The following TSPAN7 variants were observed in gnomAD, a reference collection of about 807,000 sequenced individuals.
TSPAN7 encodes tetraspanin 7, also known as tetraspanin-7.
TSPAN7 carries 1 observed loss-of-function variant against 17.6 expected under a neutral mutation model. The observed-to-expected ratio is 0.06, with a 90% confidence interval of 0.02 to 0.27. TSPAN7 has a LOEUF of 0.27. Ranked by LOEUF, TSPAN7 falls within the 10% of genes least tolerant of loss-of-function variation. The pLI, the probability that TSPAN7 is intolerant of heterozygous loss-of-function variation, is 1.00. For synonymous variants in TSPAN7, 78 were observed against 79.0 expected (o/e 0.99, Z 0.07); for missense variants, 112 against 201.7 (o/e 0.56, Z 2.69).
rs1424754978 is a variant in TSPAN7 at position 38,674,273 on chromosome X, G to A, written c.398G>A (p.Gly133Asp). ...ACGGACGCTATGCAGACTTACAATG[G>A]CAATGATGAGAGGAGCCGGGCAGTG... ...TYTDAMQTYN[G>D]NDERSRAVDH... The change falls in exon 4 of 8, where the codon GGC becomes GAC. Residue 133 changes from glycine (G) to aspartate (D), a missense_variant. Physicochemically the swap from Gly to Asp is moderately conservative, Grantham distance 94. Transcript: ENST00000378482. The A allele has an allele frequency of 8.3e-7, 1 of 1,200,553 alleles. No individual in the cohort carries two copies. The highest frequency in any genetic ancestry group is 1.7e-5 in the African/African-American group (1 of 57,640).
At chrX:38,686,015 T>C (rs1247740940) in intron 6 of TSPAN7, among the ~76,000 whole-genome samples, 2 of 112,192 alleles carry the variant, frequency 1.8e-5, no homozygotes, top group African/African-American at 6.5e-5. Context: ...GAAGTTCTAA[T>C]AAAAAAGACA....
At chrX:38,564,197 G>T (rs2069129966) in intron 1 of TSPAN7, among the ~76,000 whole-genome samples, 1 of 109,363 alleles carries the variant, frequency 9.1e-6, no homozygotes, top group African/African-American at 3.3e-5. Flanking sequence ...TGTCTCTAGA[G>T]ATTTCCATAT....
At position 38,672,345 on chromosome X, in the gene TSPAN7, A is replaced by G. The variant is rs141428949; in HGVS notation, c.345+895A>G. 5.5e-3 allele frequency among the ~76,000 whole-genome samples: 599 copies of G among 109,617 alleles called. 6 individuals are homozygous for G. The highest frequency in any genetic ancestry group is 8.5e-3 in the Non-Finnish European group (445 of 52,544). ...AATTTTTTTAAAAAATTTTTCATTAACCCATCTTGCTGCACACTTAAAGAT... is the reference window on the plus strand; with the variant it reads ...AATTTTTTTAAAAAATTTTTCATTAGCCCATCTTGCTGCACACTTAAAGAT... On this transcript the variant is annotated intron_variant, in intron 3 of 7. Coordinates refer to ENST00000378482, the MANE Select transcript of TSPAN7 (RefSeq NM_004615.4).
In TSPAN7 at chrX:38,649,730, A is replaced by T. The variant is rs975383773; in HGVS notation, c.82-16391A>T. ...GATGCTGTACAGGATGCAGTGTTTA[A>T]AGTCAGGCTGAACACATAGGCTGCT... On this transcript the variant is annotated intron_variant, in intron 1 of 7. Coordinates refer to ENST00000378482, the MANE Select transcript of TSPAN7 (RefSeq NM_004615.4). Among the ~76,000 whole-genome samples the T allele has an allele frequency of 2.7e-5, 3 of 112,137 alleles. No homozygotes were observed. In the East Asian group the frequency reaches 8.4e-4, roughly 32 times the overall value.
rs200570271 is a variant in TSPAN7 at position 38,675,777 on chromosome X, C to G, written c.514C>G (p.Pro172Ala). Residue 172 changes from proline (P) to alanine (A), a missense_variant, in exon 5 of 8, where the codon CCC (proline) becomes GCC (alanine). Physicochemically the swap from Pro to Ala is conservative, Grantham distance 27. Transcript: ENST00000378482. Reference sequence around the variant, plus strand: ...CTACTTCCTGGAGCATGGCATCCCCCCCAGCTGCTGCATGAACGAAACTGA... The same window carrying G: ...CTACTTCCTGGAGCATGGCATCCCCGCCAGCTGCTGCATGAACGAAACTGA... ...SPYFLEHGIP[P>A]SCCMNETDCN... is the part of the protein sequence containing the mutation. The G allele has an allele frequency of 5.8e-6, 7 of 1,209,137 alleles. No individual in the cohort carries two copies. The highest frequency in any genetic ancestry group is 5.3e-5 in the African/African-American group (3 of 56,906).
At chrX:38,596,901 A>C (rs1257576469) in intron 1 of TSPAN7, among the ~76,000 whole-genome samples, 1 of 111,380 alleles carries the variant, frequency 9.0e-6, no homozygotes, top group Admixed American at 9.6e-5. Flanking sequence ...CTGATTTAAA[A>C]CTGAGCTTTT....
intron 6 of TSPAN7, among the ~76,000 whole-genome samples, chrX:38,684,436 G>A (rs886641333): frequency 5.4e-5 from 6 of 111,213 alleles, no homozygotes; most frequent in African/African-American, 1.6e-4. Flanking sequence ...GTACCTCTTC[G>A]CTGCATCTTT....
At chrX:38,641,253 C>T (rs2069610044) in intron 1 of TSPAN7, among the ~76,000 whole-genome samples, 1 of 112,323 alleles carries the variant, frequency 8.9e-6, no homozygotes, top group Non-Finnish European at 1.9e-5. Flanking sequence ...TTTGAACTTT[C>T]ACAAGTGAAG....
intron 1 of TSPAN7, among the ~76,000 whole-genome samples, chrX:38,664,236 G>GA (rs1287645852): frequency 2.7e-5 from 3 of 111,387 alleles, no homozygotes; most frequent in Non-Finnish European, 3.8e-5. Flanking sequence ...CCAGAGAAAT[G>GA]AAAAAAATAT....
rs1273684950 is a variant in TSPAN7 at position 38,687,604 on chromosome X, T to C, written c.687T>C (p.Ile229=). 8.3e-7 allele frequency: 1 copy of C among 1,211,117 alleles called. No homozygotes were observed. Among genetic ancestry groups the C allele is most frequent in the East Asian group, 3.0e-5 (1 of 33,810 alleles). ...GTTTTTCTCCCTGGCAACAGTTAATTGGCATGCTGCTGGCCTGCTGTCTGT... is the reference window on the plus strand; with the variant it reads ...GTTTTTCTCCCTGGCAACAGTTAATCGGCATGCTGCTGGCCTGCTGTCTGT... ...VAFGIAFSQL[I]GMLLACCLSR... Residue 229 remains isoleucine (I), a synonymous_variant, in exon 7 of 8, where the codon ATT becomes ATC. Coordinates refer to ENST00000378482, the MANE Select transcript of TSPAN7 (RefSeq NM_004615.4).
chrX:38,610,431 C>T (rs997744979), intron 1 of TSPAN7, among the ~76,000 whole-genome samples: 14 of 111,876 alleles, frequency 1.3e-4, no homozygotes, highest in Middle Eastern at 4.2e-3. Flanking sequence ...CTTATATTTT[C>T]GACAGGAGGA....
At chrX:38,662,655 G>T (rs765626522) in intron 1 of TSPAN7, among the ~76,000 whole-genome samples, 12 of 111,364 alleles carry the variant, frequency 1.1e-4, no homozygotes, top group Non-Finnish European at 3.8e-5. Context: ...CTAGGTAAGA[G>T]GATCATCATG....
chrX:38,646,330 C>T, intron 1 of TSPAN7: 1 of 1,147,220 alleles, frequency 8.7e-7, no homozygotes, highest in Non-Finnish European at 1.2e-6. Flanking sequence ...AATTTTGTTG[C>T]AGGGTTGGCT....
chrX:38,616,193 G>A (rs1042516240), intron 1 of TSPAN7, among the ~76,000 whole-genome samples: 3 of 112,088 alleles, frequency 2.7e-5, no homozygotes, highest in Non-Finnish European at 3.8e-5. Flanking sequence ...AGAGTTTTAT[G>A]TGTATTAACT....
intron 1 of TSPAN7, among the ~76,000 whole-genome samples, chrX:38,626,592 G>A (rs978310099): frequency 2.7e-5 from 3 of 110,991 alleles, no homozygotes; most frequent in East Asian, 2.8e-4. Flanking sequence ...GATGCAGTAC[G>A]CTCAGAGGAG....
chrX:38,574,091 C>T (rs925949349), intron 1 of TSPAN7, among the ~76,000 whole-genome samples: 93 of 111,859 alleles, frequency 8.3e-4, no homozygotes, highest in African/African-American at 2.8e-3. Context: ...GAGTATCTAC[C>T]GTTATCTTTA....
chrX:38,658,458 G>T (rs970439016), intron 1 of TSPAN7, among the ~76,000 whole-genome samples: 6 of 111,338 alleles, frequency 5.4e-5, no homozygotes. Flanking sequence ...GGGATTATAG[G>T]CACAAGCCAC....
At chrX:38,643,836 C>T (rs1036317354) in intron 1 of TSPAN7, among the ~76,000 whole-genome samples, 7 of 111,313 alleles carry the variant, frequency 6.3e-5, no homozygotes, top group African/African-American at 2.3e-4. Context: ...CAGAGCGAGA[C>T]TCCGTCTCAA....
chrX:38,640,090 G>A (rs1050898228), intron 1 of TSPAN7, among the ~76,000 whole-genome samples: 1 of 111,864 alleles, frequency 8.9e-6, no homozygotes, highest in African/African-American at 3.3e-5. Flanking sequence ...AATGGAGCAA[G>A]GAGGATGCCA....
Sources: allele counts gnomAD v4.1 joint callset (sites outside exome capture counted in the v4.1 genomes callset), GRCh38; gene constraint gnomAD v4.1.1; transcripts MANE v1.5; gene names NCBI Gene and HGNC (gene_info 2026-07-23, HGNC 2026-07-21).